BTBD9: variants seen among roughly 807,000 people sequenced by gnomAD.
BTBD9 encodes the protein BTB/POZ domain-containing protein 9.
A neutral mutation model predicts 64.3 loss-of-function variants in BTBD9; 49 were observed. The observed-to-expected ratio is 0.76, with a 90% confidence interval of 0.61 to 0.97. The LOEUF is 0.97. Among genes scored for constraint, BTBD9 ranks in the 50% least tolerant of loss-of-function variants. The pLI is 0.00. For synonymous variants in BTBD9, 260 were observed against 274.7 expected, an observed-to-expected ratio of 0.95 and a Z score of 0.53; for missense variants, 598 against 762.1, an observed-to-expected ratio of 0.78 and a Z score of 2.53.
intron 6 of BTBD9, among the ~76,000 whole-genome samples, chr6:38,443,514 C>T (rs1367127930): frequency 6.6e-6 from 1 of 152,204 alleles, no homozygotes; most frequent in African/African-American, 2.4e-5. Flanking sequence ...GCATACAGTG[C>T]TACCACTTCC....
chr6:38,222,061 A>T (rs1763215862), intron 9 of BTBD9, among the ~76,000 whole-genome samples: 1 of 152,118 alleles, frequency 6.6e-6, no homozygotes, highest in South Asian at 2.1e-4. Context: ...CCTACAGGGT[A>T]GGGAGGAGCT....
intron 5 of BTBD9, among the ~76,000 whole-genome samples, chr6:38,579,685 T>C (rs1315421886): frequency 6.6e-6 from 1 of 152,192 alleles, no homozygotes; most frequent in Admixed American, 6.5e-5. Context: ...GTTATAATAT[T>C]CAAAACCAAT....
At chr6:38,402,356 T>C (rs1023565356) in intron 6 of BTBD9, among the ~76,000 whole-genome samples, 2 of 152,008 alleles carry the variant, frequency 1.3e-5, no homozygotes, top group African/African-American at 4.8e-5. Flanking sequence ...AAAATTCATA[T>C]GGAAAGAACC....
At chr6:38,185,825 A>AT (rs1761791355) in intron 10 of BTBD9, among the ~76,000 whole-genome samples, 1 of 152,136 alleles carries the variant, frequency 6.6e-6, no homozygotes, top group South Asian at 2.1e-4. Flanking sequence ...TAGTATACGT[A>AT]TTCTTTGGTG....
rs569019592 is a variant in BTBD9, at chr6:38,222,912, T to C, written c.1563-30315A>G. ...AGGGGAAGGTTTTATTTTATTTATT[T>C]ATTTATTTTTTAAGATGGAGTTTTG... On this transcript the variant is annotated intron_variant, in intron 9 of 10. Coordinates refer to ENST00000481247, the MANE Select transcript of BTBD9 (RefSeq NM_001099272.2). Among the ~76,000 whole-genome samples, 5 of 152,302 alleles carry C rather than the reference T, an allele frequency of 3.3e-5. No homozygotes were observed. The South Asian group carries it at 1.0e-3, about 32-fold the overall frequency.
At chr6:38,622,895 C>A (rs931704579) in intron 1 of BTBD9, among the ~76,000 whole-genome samples, 3 of 152,168 alleles carry the variant, frequency 2.0e-5, no homozygotes, top group African/African-American at 7.2e-5. Flanking sequence ...TCCCTGCAAT[C>A]CCTGCAGCAG....
intron 6 of BTBD9, among the ~76,000 whole-genome samples, chr6:38,431,516 T>G (rs1768436863): frequency 6.6e-6 from 1 of 152,180 alleles, no homozygotes; most frequent in Non-Finnish European, 1.5e-5. Context: ...TAAGATAGCC[T>G]TCAAAAACCC....
At chr6:38,345,671 C>A (rs145485652) in intron 6 of BTBD9, among the ~76,000 whole-genome samples, 1 of 152,336 alleles carries the variant, frequency 6.6e-6, no homozygotes, top group African/African-American at 2.4e-5. Flanking sequence ...GCCAGCCCCC[C>A]ACTTGACTGC....
chr6:38,225,800 C>T (rs957402021), intron 9 of BTBD9, among the ~76,000 whole-genome samples: 7 of 152,150 alleles, frequency 4.6e-5, no homozygotes, highest in Non-Finnish European at 1.0e-4. Flanking sequence ...CTTCAAGGTG[C>T]TTACAATCTA....
At chr6:38,375,407 G>C (rs1367410141) in intron 6 of BTBD9, among the ~76,000 whole-genome samples, 2 of 152,194 alleles carry the variant, frequency 1.3e-5, no homozygotes, top group East Asian at 3.8e-4. Flanking sequence ...CTTAGTGTGA[G>C]TTAGAAAGTC....
At chr6:38,402,683 T>G (rs1205777104) in intron 6 of BTBD9, 1 of 607,012 alleles carries the variant, frequency 1.6e-6, no homozygotes, top group Non-Finnish European at 2.9e-6. Context: ...ATCAAAGACC[T>G]AAACATAAGA....
chr6:38,174,490 A>C lies in BTBD9; in HGVS notation c.*495T>G, dbSNP rs1039378917. The C allele has an allele frequency of 6.4e-6, 1 of 155,466 alleles. No homozygotes were observed. The highest frequency in any genetic ancestry group is 2.4e-5 in the African/African-American group (1 of 41,590). 9.6% of individuals were successfully genotyped at this position (155,466 alleles called of 1,614,324 possible). ...AATAGATCCGGAACACCTATGATTC[A>C]CTGAGTGGAGAATAACTAAAACAAA... On this transcript the variant is annotated 3_prime_UTR_variant, in exon 11 of 11. Coordinates refer to ENST00000481247, the MANE Select transcript of BTBD9 (RefSeq NM_001099272.2).
chr6:38,555,599 C>G (rs1373903773), intron 6 of BTBD9, among the ~76,000 whole-genome samples: 1 of 152,176 alleles, frequency 6.6e-6, no homozygotes, highest in Non-Finnish European at 1.5e-5. Context: ...TCTAGCATTT[C>G]CTAACTTCCC....
chr6:38,313,624 A>T (rs1269015322), intron 7 of BTBD9, among the ~76,000 whole-genome samples: 1 of 152,176 alleles, frequency 6.6e-6, no homozygotes, highest in Non-Finnish European at 1.5e-5. Flanking sequence ...TTCATCATCA[A>T]TTGAAATAAT....
chr6:38,261,790 C>T (rs1030362473), intron 8 of BTBD9, among the ~76,000 whole-genome samples: 2 of 152,062 alleles, frequency 1.3e-5, no homozygotes, highest in Admixed American at 1.3e-4. Flanking sequence ...ATTAAGAGTC[C>T]CCAGGGACTG....
intron 6 of BTBD9, among the ~76,000 whole-genome samples, chr6:38,536,423 C>A: frequency 6.6e-6 from 1 of 152,116 alleles, no homozygotes; most frequent in East Asian, 1.9e-4. Flanking sequence ...TCTGGAGATT[C>A]CTCACAAAAC....
intron 9 of BTBD9, among the ~76,000 whole-genome samples, chr6:38,247,872 A>G (rs909135112): frequency 3.3e-5 from 5 of 152,224 alleles, no homozygotes; most frequent in African/African-American, 1.2e-4. Flanking sequence ...CTCTGCCAGC[A>G]TATGCTACTC....
intron 10 of BTBD9, among the ~76,000 whole-genome samples, chr6:38,190,770 C>T (rs34072552): frequency 0.046 from 6,986 of 152,174 alleles, 521 homozygotes; most frequent in African/African-American, 0.16. Flanking sequence ...TCTAGAATAG[C>T]TTTGAAAAAA....
chr6:38,417,803 A>AGAGAGAGAGAGGG, intron 6 of BTBD9, among the ~76,000 whole-genome samples: 1 of 145,170 alleles, frequency 6.9e-6, no homozygotes, highest in African/African-American at 2.6e-5. Flanking sequence ...AGAGAGAGAA[A>AGAGAGAGAGAGGG]AAAAATATTG....
Sources: gnomAD v4.1 joint callset for allele counts (sites outside exome capture counted in the v4.1 genomes callset) on GRCh38, gnomAD v4.1.1 for gene constraint, MANE v1.5 for transcripts, NCBI Gene and HGNC (gene_info 2026-07-23, HGNC 2026-07-21) for gene names.